Variants in ADGRB3 observed in about 807,000 individuals in gnomAD.
ADGRB3 encodes adhesion G protein-coupled receptor B3.
Under a neutral mutation model 193.4 loss-of-function variants are expected in ADGRB3, and 37 were observed. The ratio of observed to expected loss-of-function variants is 0.19; its 90% CI spans 0.15 to 0.25. The LOEUF (loss-of-function observed/expected upper bound fraction) is 0.25, where lower values mean the gene tolerates loss of function less well. ADGRB3 is among the 10% of genes least tolerant of loss of function. ADGRB3 has a pLI of 1.00. For missense variants in ADGRB3, 1,637 were observed against 1,852.9 expected (o/e 0.88, Z 2.14); for synonymous variants, 690 against 644.2 (o/e 1.07, Z -1.08).
chr6:69,122,463 AGGGAGAGGGGGAGGGGGAG>A (rs1484692009), intron 17 of ADGRB3, among the ~76,000 whole-genome samples: 5 of 51,590 alleles, frequency 9.7e-5, no homozygotes, highest in East Asian at 6.3e-4. Context: ...GATAAGGGAG[AGGGAGAGGGGGAGGGGGAG>A]GGGGGAGGGG....
At chr6:69,030,407 A>G (rs137941391) in intron 13 of ADGRB3, among the ~76,000 whole-genome samples, 149 of 152,372 alleles carry the variant, frequency 9.8e-4, no homozygotes, top group African/African-American at 3.5e-3. Flanking sequence ...AATGTGGCAT[A>G]TATACAACCA....
At chr6:68,640,018 A>G (rs1411211381) in intron 3 of ADGRB3, among the ~76,000 whole-genome samples, 1 of 152,156 alleles carries the variant, frequency 6.6e-6, no homozygotes, top group African/African-American at 2.4e-5. Context: ...CTGGTCTGGA[A>G]TTTTATTTGA....
chr6:68,659,257 G>C (rs540336955), intron 3 of ADGRB3, among the ~76,000 whole-genome samples: 2 of 150,260 alleles, frequency 1.3e-5, no homozygotes, highest in South Asian at 4.2e-4. Flanking sequence ...TTGGGGATGT[G>C]ACAGTTTCCT....
At chr6:68,986,706 A>G (rs1227018196) in intron 10 of ADGRB3, among the ~76,000 whole-genome samples, 1 of 152,208 alleles carries the variant, frequency 6.6e-6, no homozygotes, top group Non-Finnish European at 1.5e-5. Context: ...AGCTCTATGT[A>G]TAATTATCTT....
chr6:69,357,209 C>T (rs1478539277), intron 28 of ADGRB3, among the ~76,000 whole-genome samples: 6 of 151,994 alleles, frequency 3.9e-5, no homozygotes, highest in Admixed American at 6.6e-5. Flanking sequence ...TCACAGTGGG[C>T]TCTTTACTTG....
intron 3 of ADGRB3, among the ~76,000 whole-genome samples, chr6:68,702,853 T>G (rs1765265321): frequency 6.6e-6 from 1 of 152,154 alleles, no homozygotes; most frequent in African/African-American, 2.4e-5. Flanking sequence ...TCGACTGAAA[T>G]ATAAAATATG....
At chr6:68,738,225 A>G (rs895724971) in intron 3 of ADGRB3, among the ~76,000 whole-genome samples, 1 of 152,174 alleles carries the variant, frequency 6.6e-6, no homozygotes, top group African/African-American at 2.4e-5. Flanking sequence ...TCAGGAAGCC[A>G]TTGAGGCTTG....
intron 3 of ADGRB3, among the ~76,000 whole-genome samples, chr6:68,759,661 T>C (rs1469181729): frequency 6.6e-6 from 1 of 152,066 alleles, no homozygotes; most frequent in Non-Finnish European, 1.5e-5. Flanking sequence ...ATGCAAGATA[T>C]TTCAAATAAA....
intron 3 of ADGRB3, among the ~76,000 whole-genome samples, chr6:68,739,366 C>T (rs1255830814): frequency 5.1e-4 from 78 of 152,084 alleles, no homozygotes; most frequent in Non-Finnish European, 4.4e-5. Context: ...GAAAGTTTTT[C>T]ATGTTTTTAT....
intron 3 of ADGRB3, among the ~76,000 whole-genome samples, chr6:68,851,093 G>A (rs500125): frequency 0.48 from 72,040 of 151,546 alleles, 17,782 homozygotes; most frequent in East Asian, 0.6. Flanking sequence ...GATCATTTTG[G>A]GAGTTCTATA....
At chr6:69,047,510 A>G (rs1397929383) in intron 13 of ADGRB3, among the ~76,000 whole-genome samples, 1 of 151,474 alleles carries the variant, frequency 6.6e-6, no homozygotes, top group East Asian at 1.9e-4. Context: ...CTCTGTTTAT[A>G]TAATATATAT....
chr6:69,057,662 A>G (rs550071533), intron 15 of ADGRB3, among the ~76,000 whole-genome samples: 10 of 152,042 alleles, frequency 6.6e-5, no homozygotes, highest in Admixed American at 5.2e-4. Flanking sequence ...ATTTTGTCAC[A>G]TGCTTTTTAA....
intron 29 of ADGRB3, among the ~76,000 whole-genome samples, chr6:69,364,221 C>T (rs1359867520): frequency 6.6e-6 from 1 of 151,566 alleles, no homozygotes; most frequent in Non-Finnish European, 1.5e-5. Context: ...ATGGAAAGTG[C>T]TGAAGGAAAA....
chr6:69,013,506 A>G (rs746502818), intron 11 of ADGRB3, among the ~76,000 whole-genome samples: 1 of 152,086 alleles, frequency 6.6e-6, no homozygotes, highest in African/African-American at 2.4e-5. Context: ...AGAAACTTTT[A>G]TTTAATATTT....
intron 20 of ADGRB3, among the ~76,000 whole-genome samples, chr6:69,250,689 C>A (rs548528463): frequency 2.0e-5 from 3 of 152,196 alleles, no homozygotes; most frequent in African/African-American, 4.8e-5. Context: ...ACTGACTCAT[C>A]ATTCCAGGTG....
intron 23 of ADGRB3, 24 bp from the exon 24 acceptor site, chr6:69,332,899 G>A: frequency 1.2e-6 from 2 of 1,611,434 alleles, no homozygotes; most frequent in South Asian, 1.1e-5. Context: ...TCATTGAAAG[G>A]TCAACTTTGT....
chr6:69,200,534 C>T (rs577772776), intron 17 of ADGRB3, among the ~76,000 whole-genome samples: 31 of 152,234 alleles, frequency 2.0e-4, no homozygotes, highest in African/African-American at 7.5e-4. Flanking sequence ...AAGTCTGGGA[C>T]ACCAACTGGG....
chr6:69,101,914 G>T (rs1562160085), intron 17 of ADGRB3, among the ~76,000 whole-genome samples: 1 of 152,126 alleles, frequency 6.6e-6, no homozygotes, highest in Non-Finnish European at 1.5e-5. Context: ...TCTCGGCCGG[G>T]CTCAGTGGCT....
chr6:69,149,924 CTGTG>C (rs1167142377), intron 17 of ADGRB3, among the ~76,000 whole-genome samples: 11,463 of 128,780 alleles, frequency 0.089, 550 homozygotes, highest in African/African-American at 0.14. Flanking sequence ...GTCTGTCTTT[CTGTG>C]TGTGTGTGTG....
Sources: gnomAD v4.1 joint callset for allele counts (sites outside exome capture counted in the v4.1 genomes callset) on GRCh38, gnomAD v4.1.1 for gene constraint, MANE v1.5 for transcripts, NCBI Gene and HGNC (gene_info 2026-07-23, HGNC 2026-07-21) for gene names.